Variants in CLNK observed in about 807,000 individuals in gnomAD.
CLNK encodes the protein cytokine dependent hematopoietic cell linker.
Under a neutral mutation model 68.6 loss-of-function variants are expected in CLNK, and 74 were observed. That is an observed-to-expected ratio of 1.08 (90% confidence interval 0.89 to 1.31). The LOEUF (loss-of-function observed/expected upper bound fraction) is 1.31. CLNK is among the 50% of genes most tolerant of loss of function. The pLI is 0.00. For missense variants in CLNK, 553 were observed against 515.3 expected (o/e 1.07, Z -0.71); for synonymous variants, 198 against 172.2 (o/e 1.15, Z -1.17).
intron 3 of CLNK, among the ~76,000 whole-genome samples, chr4:10,585,339 A>G (rs548131522): frequency 1.3e-5 from 2 of 152,338 alleles, no homozygotes; most frequent in African/African-American, 4.8e-5. Flanking sequence ...AGGTTTCTCT[A>G]TACATCATGA....
At chr4:10,709,336 T>C in the CLNK span, among the ~76,000 whole-genome samples, 19 of 152,350 alleles carry the variant, frequency 1.2e-4, no homozygotes, top group Non-Finnish European at 2.2e-4. Context: ...GGCACTGTAC[T>C]CAGAGTGACT....
At position 10,490,392 on chromosome 4, in the gene CLNK, A is replaced by G. The variant is rs956639133; in HGVS notation, c.*75T>C. On this transcript the variant is annotated 3_prime_UTR_variant, in exon 19 of 19. Coordinates refer to ENST00000226951, the MANE Select transcript of CLNK (RefSeq NM_052964.4). ...AAAAAGTTGTCCCTTGAAGGCACAG[A>G]AAATAAACTTTTGAAATCAATGAAA... 5.4e-5 allele frequency: 81 copies of G among 1,508,268 alleles called. 1 individual carries two copies. Among genetic ancestry groups the G allele is most frequent in the Non-Finnish European group, 6.9e-5 (77 of 1,119,954 alleles). The allele number at this position is 1,508,268 out of a possible 1,614,324, so 93.4% of individuals were successfully genotyped here.
rs377175315 is a variant in CLNK at position 10,520,913 on chromosome 4, A to T, written c.732-82T>A. ...ATTCCACTCAGAGGCAAGGTCAATG[A>T]TAATAGCCTGAAGTCACAGTTATAA... On this transcript the variant is annotated intron_variant, in intron 14 of 18. Coordinates refer to ENST00000226951, the MANE Select transcript of CLNK (RefSeq NM_052964.4). 2.4e-4 allele frequency: 227 copies of T among 953,350 alleles called. 1 individual carries two copies. Among genetic ancestry groups the T allele is most frequent in the Non-Finnish European group, 3.6e-4 (218 of 601,962 alleles). The allele number at this position is 953,350 out of a possible 1,614,324, so 59.1% of individuals were successfully genotyped here.
At chr4:10,534,833 A>T (rs1023338091) in intron 11 of CLNK, among the ~76,000 whole-genome samples, 3 of 152,224 alleles carry the variant, frequency 2.0e-5, no homozygotes, top group African/African-American at 7.2e-5. Flanking sequence ...CCCAATAGCA[A>T]CAACTTGGAA....
At chr4:10,664,416 C>T (rs1383473423) in intron 2 of CLNK, among the ~76,000 whole-genome samples, 1 of 152,148 alleles carries the variant, frequency 6.6e-6, no homozygotes, top group Non-Finnish European at 1.5e-5. Context: ...CAAGGCACAG[C>T]AAAAGGAAAA....
chr4:10,543,411 T>G (rs1230544418), intron 8 of CLNK, among the ~76,000 whole-genome samples: 1 of 152,200 alleles, frequency 6.6e-6, no homozygotes, highest in Non-Finnish European at 1.5e-5. Context: ...GCTGGGTGGC[T>G]TCACACTGAG....
chr4:10,689,745 A>ATGTTTTTTTTTTTTTTTTTTT (rs1725395723), upstream of CLNK, among the ~76,000 whole-genome samples: 1 of 100,094 alleles, frequency 1.0e-5, no homozygotes, highest in Non-Finnish European at 2.0e-5. Flanking sequence ...AAACCCATGC[A>ATGTTTTTTTTTTTTTTTTTTT]TTTTTTTTTT....
At chr4:10,551,418 T>G (rs1050453088) in intron 8 of CLNK, among the ~76,000 whole-genome samples, 1 of 109,334 alleles carries the variant, frequency 9.1e-6, no homozygotes, top group Non-Finnish European at 2.3e-5. Flanking sequence ...CTAATTTTTT[T>G]GTATATATAT....
At chr4:10,671,407 G>A (rs993592300) in intron 1 of CLNK, among the ~76,000 whole-genome samples, 1 of 151,746 alleles carries the variant, frequency 6.6e-6, no homozygotes, top group Non-Finnish European at 1.5e-5. Context: ...GAAGAAAGCA[G>A]AATTTGAGGC....
intron 17 of CLNK, 42 bp from the exon 18 acceptor site, chr4:10,501,453 G>A: frequency 6.3e-7 from 1 of 1,582,344 alleles, no homozygotes. Flanking sequence ...AGACACGCCA[G>A]CATTCTGCCC....
At chr4:10,503,221 G>A (rs1717127855) in intron 17 of CLNK, among the ~76,000 whole-genome samples, 1 of 152,152 alleles carries the variant, frequency 6.6e-6, no homozygotes, top group Non-Finnish European at 1.5e-5. Context: ...CAACACTTGG[G>A]AGGCCGACGC....
At position 10,486,483 on chromosome 4, in the gene CLNK, C is replaced by CAGAATA. The variant is rs1318428511; in HGVS notation, c.*3978_*3983dup. 1 of 151,182 alleles carries CAGAATA rather than the reference C, an allele frequency of 6.6e-6. No homozygotes were observed. Among genetic ancestry groups the CAGAATA allele is most frequent in the Non-Finnish European group, 1.5e-5 (1 of 67,968 alleles). The allele number at this position is 151,182 out of a possible 1,614,324, so 9.4% of individuals were successfully genotyped here. On this transcript the variant is annotated 3_prime_UTR_variant, in exon 19 of 19. Transcript: ENST00000226951. Reference sequence around the variant, plus strand: ...GTGCTTAGCTAGAACAAATATTGCTCAGAATAAAAAAGATATACAAATATA... The same window carrying CAGAATA: ...GTGCTTAGCTAGAACAAATATTGCTCAGAATAAGAATAAAAAAGATATACAAATATA...
At chr4:10,624,981 C>T (rs1240184114) in intron 2 of CLNK, among the ~76,000 whole-genome samples, 3 of 152,176 alleles carry the variant, frequency 2.0e-5, no homozygotes, top group Non-Finnish European at 4.4e-5. Flanking sequence ...TCTGGGATGT[C>T]TTTCTTGGCA....
At position 10,521,650 on chromosome 4, in the gene CLNK, T is replaced by G. The variant is rs143488524; in HGVS notation, c.732-819A>C. Among the ~76,000 whole-genome samples the G allele has an allele frequency of 2.6e-4, 40 of 152,330 alleles. 1 individual carries two copies. In the East Asian group the frequency reaches 7.7e-3, roughly 29 times the overall value. Reference sequence around the variant, plus strand: ...GGTTTATGTTGTCACCATAAAAGCCTGAGGTCATATGTCTTGCTTTGTGGA... The same window carrying G: ...GGTTTATGTTGTCACCATAAAAGCCGGAGGTCATATGTCTTGCTTTGTGGA... On this transcript the variant is annotated intron_variant, in intron 14 of 18. Coordinates refer to ENST00000226951, the MANE Select transcript of CLNK (RefSeq NM_052964.4).
At chr4:10,713,742 A>G in the CLNK span, among the ~76,000 whole-genome samples, 1 of 152,130 alleles carries the variant, frequency 6.6e-6, no homozygotes, top group African/African-American at 2.4e-5. Context: ...CGTGTTGTTA[A>G]AAGGAGCATG....
intron 8 of CLNK, among the ~76,000 whole-genome samples, chr4:10,557,502 C>T (rs541876795): frequency 1.3e-5 from 2 of 152,268 alleles, no homozygotes; most frequent in Admixed American, 1.3e-4. Flanking sequence ...AGGCGGTGTG[C>T]TCCTTGTAGT....
chr4:10,612,005 T>C lies in CLNK; in HGVS notation c.12-13956A>G, dbSNP rs16870590. On this transcript the variant is annotated intron_variant, in intron 2 of 18. Coordinates refer to ENST00000226951, the MANE Select transcript of CLNK (RefSeq NM_052964.4). ...GAACAATTGGCCAAATCTCTGTCTG[T>C]AAACAGTAAACGCTGCATGTCACAG... Among the ~76,000 whole-genome samples the C allele has an allele frequency of 6.2e-3, 941 of 152,318 alleles. 19 individuals are homozygous for C. In the East Asian group the frequency reaches 0.064, roughly 10 times the overall value.
In CLNK at chr4:10,600,729, C is replaced by T. The variant is rs554786314; in HGVS notation, c.12-2680G>A. 4.6e-5 allele frequency among the ~76,000 whole-genome samples: 7 copies of T among 152,292 alleles called. No homozygotes were observed. The East Asian group carries it at 1.2e-3, about 25-fold the overall frequency. On this transcript the variant is annotated intron_variant, in intron 2 of 18. Coordinates refer to ENST00000226951, the MANE Select transcript of CLNK (RefSeq NM_052964.4). ...GTCTGGGCTCATACACAATAGCGAGCCATGTAGTTAACTGGACAGAGTCCT... is the reference window on the plus strand; with the variant it reads ...GTCTGGGCTCATACACAATAGCGAGTCATGTAGTTAACTGGACAGAGTCCT...
chr4:10,712,076 T>A, the CLNK span, among the ~76,000 whole-genome samples: 10 of 152,176 alleles, frequency 6.6e-5, no homozygotes, highest in Non-Finnish European at 2.9e-5. Flanking sequence ...GTCTCACCCA[T>A]GTCCAAGGTA....
Sources: gnomAD v4.1 joint callset for allele counts (sites outside exome capture counted in the v4.1 genomes callset) on GRCh38, gnomAD v4.1.1 for gene constraint, MANE v1.5 for transcripts, NCBI Gene and HGNC (gene_info 2026-07-23, HGNC 2026-07-21) for gene names.